ASH1L: variants seen among roughly 807,000 people sequenced by gnomAD.
The protein encoded by ASH1L is ASH1 like histone lysine methyltransferase, also known as histone-lysine N-methyltransferase ASH1L.
A neutral mutation model predicts 269.0 loss-of-function variants in ASH1L; 23 were observed. The ratio of observed to expected loss-of-function variants is 0.09; its 90% CI spans 0.06 to 0.12. ASH1L has a LOEUF of 0.12. Ranked by LOEUF, ASH1L falls within the 10% of genes least tolerant of loss-of-function variation. ASH1L has a pLI of 1.00. For missense variants in ASH1L, 2,912 were observed against 3,567.8 expected, an observed-to-expected ratio of 0.82 and a Z score of 4.68; for synonymous variants, 1,187 against 1,253.5, an observed-to-expected ratio of 0.95 and a Z score of 1.12.
Position 155,384,615 on chromosome 1 carries a change from G to A in ASH1L, c.6104-4499C>T, listed in dbSNP as rs112274110. ...ACAGGGTTTCACCATGTTGCTCAGG[G>A]TGGTCTCAAACTTCTGAGCTCAAGC... is the stretch of plus-strand genomic sequence containing the variant. On this transcript the variant is annotated intron_variant, in intron 7 of 27. Transcript: ENST00000392403. 3.6e-4 allele frequency among the ~76,000 whole-genome samples: 55 copies of A among 152,026 alleles called. 2 individuals are homozygous for A. The highest frequency in any genetic ancestry group is 1.3e-3 in the African/African-American group (52 of 41,486).
At chr1:155,398,991 C>T (rs556840484) in intron 6 of ASH1L, among the ~76,000 whole-genome samples, 1 of 152,064 alleles carries the variant, frequency 6.6e-6, no homozygotes. Flanking sequence ...CCCTGGCCTC[C>T]CAAAGTGCTA....
chr1:155,548,923 T>C (rs1671008560), intron 1 of ASH1L, among the ~76,000 whole-genome samples: 1 of 152,196 alleles, frequency 6.6e-6, no homozygotes, highest in Non-Finnish European at 1.5e-5. Flanking sequence ...GTCAGCCCTT[T>C]GTATCCATGG....
rs1465692680 is a variant in ASH1L at position 155,481,531 on chromosome 1, G to C, written c.1339C>G (p.Gln447Glu). The change falls in exon 3 of 28, where the codon CAG (glutamine) becomes GAG (glutamate). Residue 447 changes from glutamine to glutamate, a missense_variant. Physicochemically the swap from Gln to Glu is conservative, Grantham distance 29. Transcript: ENST00000392403. ...KASCSTNINN[Q>E]ESQELSESLK... ...GATTCAGAAAGTTCCTGACTTTCCTGATTATTGATGTTTGTACTACAAGAA... is the reference window on the plus strand; with the variant it reads ...GATTCAGAAAGTTCCTGACTTTCCTCATTATTGATGTTTGTACTACAAGAA... 1 of 1,614,138 alleles carries C rather than the reference G, an allele frequency of 6.2e-7. No homozygotes were observed. Among genetic ancestry groups the C allele is most frequent in the Admixed American group, 1.7e-5 (1 of 60,010 alleles).
At position 155,380,132 on chromosome 1, in the gene ASH1L, C is replaced by T; in HGVS notation, c.6104-16G>A. 1 of 1,589,776 alleles carries T rather than the reference C, an allele frequency of 6.3e-7. No individual in the cohort carries two copies. Among genetic ancestry groups the T allele is most frequent in the Non-Finnish European group, 8.6e-7 (1 of 1,158,308 alleles). On this transcript the variant is annotated splice_polypyrimidine_tract_variant and intron_variant, in intron 7 of 27. Coordinates refer to ENST00000392403, the MANE Select transcript of ASH1L (RefSeq NM_018489.3). ...AGATACTTTCCTGAAACAAAAAACA[C>T]TATTAATTTCAATACCTTTTCTAAT...
At chr1:155,511,843 T>C (rs1668181986) in intron 2 of ASH1L, among the ~76,000 whole-genome samples, 2 of 151,284 alleles carry the variant, frequency 1.3e-5, no homozygotes, top group South Asian at 4.2e-4. Context: ...GGAGTTTTGC[T>C]CTTGTTGCCC....
chr1:155,495,164 G>A (rs1667064729), intron 2 of ASH1L, among the ~76,000 whole-genome samples: 1 of 152,172 alleles, frequency 6.6e-6, no homozygotes, highest in South Asian at 2.1e-4. Flanking sequence ...TAAAAAGTAA[G>A]TAAAGAATAG....
chr1:155,403,177 C>T (rs1658997391), intron 6 of ASH1L, among the ~76,000 whole-genome samples: 1 of 151,336 alleles, frequency 6.6e-6, no homozygotes, highest in South Asian at 2.1e-4. Flanking sequence ...AAGAGCGAAA[C>T]TCCATCTCAA....
At chr1:155,505,626 AATT>A (rs1667765441) in intron 2 of ASH1L, among the ~76,000 whole-genome samples, 1 of 152,180 alleles carries the variant, frequency 6.6e-6, no homozygotes, top group Non-Finnish European at 1.5e-5. Context: ...CAATGTTTAA[AATT>A]ATTAATAATG....
At chr1:155,550,000 C>T (rs1486001455) in intron 1 of ASH1L, among the ~76,000 whole-genome samples, 2 of 151,246 alleles carry the variant, frequency 1.3e-5, no homozygotes, top group Non-Finnish European at 1.5e-5. Context: ...CCACAATCAG[C>T]TGTTGCCTCA....
intron 12 of ASH1L, among the ~76,000 whole-genome samples, chr1:155,367,682 C>T (rs1655558830): frequency 6.6e-6 from 1 of 151,992 alleles, no homozygotes; most frequent in South Asian, 2.1e-4. Context: ...CTGTTTAATG[C>T]TTTTTCTGCT....
At chr1:155,521,051 G>C in intron 2 of ASH1L, 49 bp downstream of exon 2, 1 of 1,495,042 alleles carries the variant, frequency 6.7e-7, no homozygotes, top group Non-Finnish European at 9.0e-7. Flanking sequence ...AATTAATAGG[G>C]AAATGAAAAT....
intron 3 of ASH1L, among the ~76,000 whole-genome samples, chr1:155,474,520 G>A (rs568479969): frequency 2.0e-5 from 3 of 152,156 alleles, no homozygotes; most frequent in East Asian, 3.9e-4. Context: ...GCGGCATGGC[G>A]AAACCCCATC....
At chr1:155,544,611 G>T (rs970621926) in intron 1 of ASH1L, among the ~76,000 whole-genome samples, 3 of 151,570 alleles carry the variant, frequency 2.0e-5, no homozygotes, top group African/African-American at 4.8e-5. Flanking sequence ...AGGCAAATCA[G>T]GAAACTAAAA....
intron 1 of ASH1L, among the ~76,000 whole-genome samples, chr1:155,555,266 G>A (rs1376759839): frequency 6.6e-6 from 1 of 151,412 alleles, no homozygotes; most frequent in African/African-American, 2.4e-5. Flanking sequence ...GGAGGCCGAT[G>A]CGGGCTGATC....
At chr1:155,384,744 ATTTG>A (rs1657279238) in intron 7 of ASH1L, among the ~76,000 whole-genome samples, 1 of 152,014 alleles carries the variant, frequency 6.6e-6, no homozygotes, top group African/African-American at 2.4e-5. Context: ...CTCGGCATAT[ATTTG>A]TTTGAGTTTA....
chr1:155,505,402 G>A (rs927723749), intron 2 of ASH1L, among the ~76,000 whole-genome samples: 6 of 152,102 alleles, frequency 3.9e-5, no homozygotes, highest in African/African-American at 1.4e-4. Flanking sequence ...CAGTTATCAT[G>A]TCATAGCACA....
intron 4 of ASH1L, among the ~76,000 whole-genome samples, chr1:155,452,378 A>C (rs1216667651): frequency 6.6e-6 from 1 of 152,078 alleles, no homozygotes; most frequent in Non-Finnish European, 1.5e-5. Flanking sequence ...ACAATTAAAA[A>C]AAATTTTTGT....
intron 2 of ASH1L, among the ~76,000 whole-genome samples, chr1:155,504,092 T>C (rs539217780): frequency 3.9e-5 from 6 of 152,314 alleles, no homozygotes; most frequent in East Asian, 3.9e-4. Context: ...GTAAACGTTA[T>C]TAAGTAGGCC....
intron 4 of ASH1L, among the ~76,000 whole-genome samples, chr1:155,445,742 G>A (rs1419001413): frequency 6.6e-6 from 1 of 152,064 alleles, no homozygotes; most frequent in Non-Finnish European, 1.5e-5. Context: ...CAACAATAAT[G>A]AGTCTTTCAA....
Sources: allele counts gnomAD v4.1 joint callset (sites outside exome capture counted in the v4.1 genomes callset), GRCh38; gene constraint gnomAD v4.1.1; transcripts MANE v1.5; gene names NCBI Gene and HGNC (gene_info 2026-07-23, HGNC 2026-07-21).